Variants in SGCZ observed in about 807,000 individuals in gnomAD.
The protein encoded by SGCZ is zeta-sarcoglycan.
In SGCZ, 40 loss-of-function variants were observed where a neutral mutation model predicts 41.3. The observed-to-expected ratio is 0.97, with a 90% CI of 0.75 to 1.26. The LOEUF (loss-of-function observed/expected upper bound fraction) is 1.26. SGCZ is among the 50% of genes most tolerant of loss of function. SGCZ has a pLI of 0.00. For synonymous variants in SGCZ, 206 were observed against 137.5 expected, an observed-to-expected ratio of 1.50 and a Z score of -3.49; for missense variants, 552 against 369.8, an observed-to-expected ratio of 1.49 and a Z score of -4.04.
chr8:14,551,678 T>C (rs1431365918), intron 2 of SGCZ, among the ~76,000 whole-genome samples: 1 of 77,760 alleles, frequency 1.3e-5, no homozygotes, highest in Non-Finnish European at 2.6e-5. Flanking sequence ...TGTATGTATC[T>C]GCTCTCATAG....
chr8:15,166,188 T>C (rs1006271734), intron 1 of SGCZ, among the ~76,000 whole-genome samples: 5 of 152,188 alleles, frequency 3.3e-5, no homozygotes, highest in Middle Eastern at 3.4e-3. Flanking sequence ...ACAGGATTAT[T>C]TGACATGTTC....
At chr8:15,031,105 A>C (rs1166368319) in intron 1 of SGCZ, among the ~76,000 whole-genome samples, 2 of 152,160 alleles carry the variant, frequency 1.3e-5, no homozygotes, top group Non-Finnish European at 2.9e-5. Context: ...TTAAAGTATT[A>C]GAACAGAGTT....
chr8:14,577,133 G>A (rs2117246454), intron 1 of SGCZ, among the ~76,000 whole-genome samples: 1 of 152,270 alleles, frequency 6.6e-6, no homozygotes. Flanking sequence ...CATATTAAGT[G>A]CATTTGCATT....
chr8:15,153,322 C>T (rs1021558172), intron 1 of SGCZ, among the ~76,000 whole-genome samples: 1 of 152,158 alleles, frequency 6.6e-6, no homozygotes, highest in Non-Finnish European at 1.5e-5. Context: ...AACATATATA[C>T]TGAAGTCCAT....
chr8:14,520,662 A>G (rs1802761064), intron 2 of SGCZ, among the ~76,000 whole-genome samples: 1 of 152,150 alleles, frequency 6.6e-6, no homozygotes, highest in Admixed American at 6.6e-5. Flanking sequence ...TGAAAATAAA[A>G]GAGAGAAGTG....
At chr8:14,472,120 G>A (rs1490297860) in intron 2 of SGCZ, among the ~76,000 whole-genome samples, 1 of 151,982 alleles carries the variant, frequency 6.6e-6, no homozygotes, top group African/African-American at 2.4e-5. Context: ...TTTGATCATA[G>A]GTCTTACTAT....
chr8:14,887,966 C>G lies in SGCZ; in HGVS notation c.40-333040G>C, dbSNP rs866409069. 3.3e-5 allele frequency among the ~76,000 whole-genome samples: 5 copies of G among 152,182 alleles called. No individual in the cohort carries two copies. In the Middle Eastern group the frequency reaches 0.014, roughly 414 times the overall value. ...ATGTTGCTCAAAGGGTACAAAGTTA[C>G]AGTTCAATAGGAGGGATAAATGATA... On this transcript the variant is annotated intron_variant, in intron 1 of 7. Coordinates refer to ENST00000382080, the MANE Select transcript of SGCZ (RefSeq NM_139167.4).
At chr8:14,244,566 G>C (rs541382150) in intron 3 of SGCZ, among the ~76,000 whole-genome samples, 1 of 151,954 alleles carries the variant, frequency 6.6e-6, no homozygotes. Flanking sequence ...GGATTGACTT[G>C]GCGATGCGGG....
intron 1 of SGCZ, among the ~76,000 whole-genome samples, chr8:14,798,559 T>C (rs1801213080): frequency 6.6e-6 from 1 of 152,170 alleles, no homozygotes; most frequent in African/African-American, 2.4e-5. Context: ...GAAATATTAG[T>C]GCCAAACACT....
intron 2 of SGCZ, among the ~76,000 whole-genome samples, chr8:14,409,074 G>A (rs11990736): frequency 0.13 from 20,323 of 151,728 alleles, 2,973 homozygotes; most frequent in African/African-American, 0.36. Flanking sequence ...AGATCCCAGT[G>A]TTAGCAAATG....
At chr8:14,574,454 G>T (rs1804649194) in intron 1 of SGCZ, among the ~76,000 whole-genome samples, 1 of 152,114 alleles carries the variant, frequency 6.6e-6, no homozygotes, top group African/African-American at 2.4e-5. Context: ...AATAAATAAA[G>T]ACCCTCATTC....
At chr8:15,211,534 G>T (rs1801237486) in intron 1 of SGCZ, among the ~76,000 whole-genome samples, 1 of 152,018 alleles carries the variant, frequency 6.6e-6, no homozygotes, top group South Asian at 2.1e-4. Context: ...AAAAGAGAAG[G>T]TCTCAGATAG....
chr8:14,232,739 A>T (rs944229734), intron 4 of SGCZ, among the ~76,000 whole-genome samples: 1 of 152,094 alleles, frequency 6.6e-6, no homozygotes, highest in Non-Finnish European at 1.5e-5. Flanking sequence ...AGACAAGTAA[A>T]TGATTCTGAC....
chr8:14,426,853 A>C (rs890350940), intron 2 of SGCZ, among the ~76,000 whole-genome samples: 5 of 152,190 alleles, frequency 3.3e-5, no homozygotes, highest in Non-Finnish European at 5.9e-5. Context: ...AATGGATCAA[A>C]AAAGAATGGA....
At chr8:14,100,428 G>C (rs1368714643) in intron 7 of SGCZ, among the ~76,000 whole-genome samples, 1 of 150,426 alleles carries the variant, frequency 6.6e-6, no homozygotes, top group Non-Finnish European at 1.5e-5. Flanking sequence ...AAGAATGCAA[G>C]ATGTTTAAGA....
intron 1 of SGCZ, among the ~76,000 whole-genome samples, chr8:14,818,804 G>C (rs1003434660): frequency 6.6e-6 from 1 of 151,878 alleles, no homozygotes; most frequent in Non-Finnish European, 1.5e-5. Flanking sequence ...AGAGCTTCAA[G>C]AACAGATTAG....
chr8:14,450,993 T>G (rs541789195), intron 2 of SGCZ, among the ~76,000 whole-genome samples: 1 of 152,206 alleles, frequency 6.6e-6, no homozygotes, highest in Admixed American at 6.5e-5. Flanking sequence ...CAATGTGCTG[T>G]GCAAAATACA....
At chr8:14,613,225 A>G (rs2117345963) in intron 1 of SGCZ, among the ~76,000 whole-genome samples, 1 of 152,326 alleles carries the variant, frequency 6.6e-6, no homozygotes, top group African/African-American at 2.4e-5. Flanking sequence ...TGTTTTAAAT[A>G]GTATGAAAGT....
intron 1 of SGCZ, among the ~76,000 whole-genome samples, chr8:15,106,935 T>G (rs1806848553): frequency 6.6e-6 from 1 of 152,036 alleles, no homozygotes; most frequent in South Asian, 2.1e-4. Flanking sequence ...TGGTGTTGAA[T>G]TTTTTTATTA....
Sources: gnomAD v4.1 joint callset for allele counts (sites outside exome capture counted in the v4.1 genomes callset) on GRCh38, gnomAD v4.1.1 for gene constraint, MANE v1.5 for transcripts, NCBI Gene and HGNC (gene_info 2026-07-23, HGNC 2026-07-21) for gene names.